The following GBE1 variants were observed in gnomAD, a reference collection of about 807,000 sequenced individuals.
GBE1 encodes 1,4-alpha-glucan-branching enzyme.
GBE1 carries 70 observed loss-of-function variants against 88.8 expected under a neutral mutation model. The ratio of observed to expected loss-of-function variants is 0.79; its 90% CI spans 0.65 to 0.96. The LOEUF (loss-of-function observed/expected upper bound fraction) is 0.96, where lower values mean the gene tolerates loss of function less well. GBE1 is among the 40% of genes least tolerant of loss of function. The pLI is 0.00. For missense variants in GBE1, 872 were observed against 871.0 expected, an observed-to-expected ratio of 1.00 and a Z score of -0.01; for synonymous variants, 284 against 300.1, an observed-to-expected ratio of 0.95 and a Z score of 0.56.
Position 81,593,938 on chromosome 3 carries a change from T to C in GBE1, c.1078A>G (p.Thr360Ala). The C allele has an allele frequency of 1.3e-6, 2 of 1,578,192 alleles. No homozygotes were observed. The highest frequency in any genetic ancestry group is 4.6e-5 in the East Asian group (2 of 43,712). The change falls in exon 8 of 16, where the codon ACG becomes GCG. Residue 360 changes from threonine (T) to alanine (A), a missense_variant. Physicochemically the swap from Thr to Ala is moderately conservative, Grantham distance 58. Coordinates refer to ENST00000429644, the MANE Select transcript of GBE1 (RefSeq NM_000158.4). ...RFDGFRFDGV[T>A]SMLYHHHGVG... ...CCATGGTGATGATAAAGCATGGACG[T>C]AACACCATCAAAACGAAATCCATCA...
At chr3:81,501,049 CCAA>C (rs1372035891) in intron 14 of GBE1, among the ~76,000 whole-genome samples, 1 of 152,094 alleles carries the variant, frequency 6.6e-6, no homozygotes, top group Non-Finnish European at 1.5e-5. Context: ...GCACCAAACC[CCAA>C]CAACAGGCAG....
At chr3:81,511,527 T>C (rs1044768899) in intron 14 of GBE1, among the ~76,000 whole-genome samples, 2 of 151,796 alleles carry the variant, frequency 1.3e-5, no homozygotes, top group African/African-American at 4.8e-5. Flanking sequence ...GCAAAAGACA[T>C]GACCAGACAC....
intron 12 of GBE1, among the ~76,000 whole-genome samples, chr3:81,554,771 G>A (rs1407399398): frequency 6.6e-6 from 1 of 152,166 alleles, no homozygotes; most frequent in Non-Finnish European, 1.5e-5. Flanking sequence ...GTTTTTGTAA[G>A]AATCCAAGGC....
At chr3:81,738,936 G>C (rs891214504) in intron 1 of GBE1, among the ~76,000 whole-genome samples, 2 of 152,170 alleles carry the variant, frequency 1.3e-5, no homozygotes, top group African/African-American at 4.8e-5. Flanking sequence ...CATAGTTCTG[G>C]AAGCTGGTTA....
chr3:81,709,900 C>G (rs2594544), intron 1 of GBE1, among the ~76,000 whole-genome samples: 150,750 of 152,300 alleles, frequency 0.99, 74,614 homozygotes, highest in East Asian at 1. Flanking sequence ...TATGGATTTA[C>G]AGGATATTTA....
chr3:81,491,277 G>A (rs532654036), intron 15 of GBE1, among the ~76,000 whole-genome samples: 15 of 152,088 alleles, frequency 9.9e-5, no homozygotes, highest in East Asian at 1.9e-4. Flanking sequence ...CAGCTTTTTC[G>A]TTTCTTTCTG....
intron 1 of GBE1, 28 bp downstream of exon 1, chr3:81,761,347 A>G (rs991368053): frequency 2.5e-6 from 4 of 1,594,438 alleles, no homozygotes; most frequent in Non-Finnish European, 8.6e-7. Context: ...TGCCTGTCTA[A>G]GTGGGGGTGG....
At position 81,586,144 on chromosome 3, in the gene GBE1, C is replaced by G. The variant is rs756129254; in HGVS notation, c.1283G>C (p.Gly428Ala). 1.0e-4 allele frequency: 169 copies of G among 1,609,734 alleles called. No individual in the cohort carries two copies. The highest frequency in any genetic ancestry group is 3.3e-4 in the Middle Eastern group (2 of 6,076). The change falls in exon 10 of 16, where the codon GGG becomes GCG. Residue 428 changes from glycine (G) to alanine (A), a missense_variant. By Grantham distance (60) the Gly-to-Ala change is moderately conservative. Transcript: ENST00000429644. ...GGCTAGTCGATAGTCAAAACCACCC[C>G]CTCCCTGGGAAATTGGAGAGCACAG... ...PALCSPISQG[G>A]GGFDYRLAMA... is the part of the protein sequence containing the mutation.
chr3:81,674,167 C>T (rs1416647246), intron 2 of GBE1, among the ~76,000 whole-genome samples: 1 of 151,842 alleles, frequency 6.6e-6, no homozygotes, highest in Non-Finnish European at 1.5e-5. Context: ...CTTTCTCATT[C>T]CTTTATTAGT....
intron 7 of GBE1, among the ~76,000 whole-genome samples, chr3:81,614,976 C>T (rs1704229947): frequency 6.6e-6 from 1 of 150,452 alleles, no homozygotes; most frequent in African/African-American, 2.4e-5. Flanking sequence ...CTCAAGGCTA[C>T]AGTGAGCTGT....
At chr3:81,742,945 AC>A (rs1315965237) in intron 1 of GBE1, among the ~76,000 whole-genome samples, 2 of 152,140 alleles carry the variant, frequency 1.3e-5, no homozygotes, top group Non-Finnish European at 2.9e-5. Context: ...TCCAACAACG[AC>A]AGTAATAAAT....
chr3:81,647,483 A>G (rs1157773001), intron 5 of GBE1, among the ~76,000 whole-genome samples: 1 of 152,174 alleles, frequency 6.6e-6, no homozygotes. Context: ...AAATTCTAAT[A>G]TATTTTTAAT....
At chr3:81,750,526 T>C (rs1706481672) in intron 1 of GBE1, among the ~76,000 whole-genome samples, 1 of 79,278 alleles carries the variant, frequency 1.3e-5, no homozygotes. Context: ...AAAACATTCA[T>C]ATATATATAT....
intron 1 of GBE1, among the ~76,000 whole-genome samples, chr3:81,718,365 A>G (rs1705971842): frequency 6.6e-6 from 1 of 152,210 alleles, no homozygotes; most frequent in Non-Finnish European, 1.5e-5. Flanking sequence ...AATTATAATG[A>G]CCAGTATCTT....
intron 14 of GBE1, among the ~76,000 whole-genome samples, chr3:81,534,445 T>C (rs1703047685): frequency 6.6e-6 from 1 of 151,952 alleles, no homozygotes; most frequent in South Asian, 2.1e-4. Flanking sequence ...GTTCAGTAAA[T>C]AGGTACTCAG....
At chr3:81,752,619 AC>A (rs1706545500) in intron 1 of GBE1, among the ~76,000 whole-genome samples, 1 of 152,178 alleles carries the variant, frequency 6.6e-6, no homozygotes, top group Non-Finnish European at 1.5e-5. Flanking sequence ...CTTATAGTAA[AC>A]TGGCAATTTC....
At chr3:81,563,104 A>G (rs1323543960) in intron 12 of GBE1, among the ~76,000 whole-genome samples, 1 of 152,018 alleles carries the variant, frequency 6.6e-6, no homozygotes, top group African/African-American at 2.4e-5. Context: ...CACATTTTTC[A>G]GCCTATGGAT....
At chr3:81,716,107 A>G (rs1369297152) in intron 1 of GBE1, among the ~76,000 whole-genome samples, 1 of 152,180 alleles carries the variant, frequency 6.6e-6, no homozygotes, top group African/African-American at 2.4e-5. Flanking sequence ...CCAATCTAAT[A>G]AACACATCCT....
At chr3:81,637,201 C>A (rs1464951446) in intron 7 of GBE1, among the ~76,000 whole-genome samples, 1 of 152,140 alleles carries the variant, frequency 6.6e-6, no homozygotes, top group Non-Finnish European at 1.5e-5. Flanking sequence ...ACTGTACTCA[C>A]TCTTCTTCTT....
Sources: allele counts gnomAD v4.1 joint callset (sites outside exome capture counted in the v4.1 genomes callset), GRCh38; gene constraint gnomAD v4.1.1; transcripts MANE v1.5; gene names NCBI Gene and HGNC (gene_info 2026-07-23, HGNC 2026-07-21).